The following YAP1 variants were observed in gnomAD, a reference collection of about 807,000 sequenced individuals.
YAP1 encodes Yes1 associated transcriptional regulator.
A neutral mutation model predicts 56.9 loss-of-function variants in YAP1; 5 were observed. The ratio of observed to expected loss-of-function variants is 0.09; its 90% CI spans 0.05 to 0.18. The LOEUF (loss-of-function observed/expected upper bound fraction) is 0.18, where lower values mean the gene tolerates loss of function less well. Ranked by LOEUF, YAP1 falls within the 10% of genes least tolerant of loss-of-function variation. The probability of loss-of-function intolerance (pLI) is 1.00; values close to 1 mark genes in which losing one functional copy is unlikely to be tolerated. For synonymous variants in YAP1, 265 were observed against 248.1 expected (o/e 1.07, Z -0.64); for missense variants, 539 against 651.8 (o/e 0.83, Z 1.88).
At chr11:102,220,170 C>T (rs11225167) in intron 6 of YAP1, among the ~76,000 whole-genome samples, 45,394 of 151,494 alleles carry the variant, frequency 0.3, 7,072 homozygotes, top group East Asian at 0.36. Flanking sequence ...CCAGCCTGGG[C>T]GACATATAGT....
At chr11:102,194,758 C>G (rs1284309199) in intron 4 of YAP1, among the ~76,000 whole-genome samples, 1 of 151,992 alleles carries the variant, frequency 6.6e-6, no homozygotes, top group Non-Finnish European at 1.5e-5. Flanking sequence ...AGTAAAAACT[C>G]TGAGGTATGC....
At chr11:102,157,961 G>A (rs1946050068) in intron 2 of YAP1, among the ~76,000 whole-genome samples, 1 of 152,076 alleles carries the variant, frequency 6.6e-6, no homozygotes, top group South Asian at 2.1e-4. Flanking sequence ...TATTTGGAGT[G>A]TCCATAAAAA....
chr11:102,114,090 G>C (rs1943130406), intron 1 of YAP1, 54 bp from the exon 2 acceptor site: 1 of 1,523,166 alleles, frequency 6.6e-7, no homozygotes, highest in East Asian at 2.3e-5. Flanking sequence ...AAATTTAAAG[G>C]GACTCAGTTG....
chr11:102,112,167 A>G lies in YAP1; in HGVS notation c.321+998A>G, dbSNP rs541194108. 1.6e-4 allele frequency among the ~76,000 whole-genome samples: 25 copies of G among 152,330 alleles called. 2 individuals are homozygous for G. In the South Asian group the frequency reaches 4.6e-3, roughly 28 times the overall value. On this transcript the variant is annotated intron_variant, in intron 1 of 8. Coordinates refer to ENST00000282441, the MANE Select transcript of YAP1 (RefSeq NM_001130145.3). ...TACACTGCAGGTTGACTCATAGGCC[A>G]AGTCCTGCCTAGTTCAACTGTGATT...
intron 3 of YAP1, among the ~76,000 whole-genome samples, chr11:102,176,499 G>A (rs1947255057): frequency 6.6e-6 from 1 of 151,974 alleles, no homozygotes; most frequent in Non-Finnish European, 1.5e-5. Context: ...TGTAATCCCA[G>A]CACTTTGGGA....
chr11:102,182,201 T>C (rs1244461614), intron 3 of YAP1, among the ~76,000 whole-genome samples: 4 of 152,168 alleles, frequency 2.6e-5, no homozygotes, highest in African/African-American at 7.2e-5. Flanking sequence ...AATCAAAAAG[T>C]ATAGGGGTAA....
chr11:102,223,118 C>T (rs758282663), intron 6 of YAP1, among the ~76,000 whole-genome samples: 5 of 151,466 alleles, frequency 3.3e-5, no homozygotes, highest in South Asian at 2.1e-4. Context: ...CGTGGTGGTG[C>T]GTGCCTGTAG....
At chr11:102,175,287 C>G (rs536290901) in intron 3 of YAP1, among the ~76,000 whole-genome samples, 1 of 152,234 alleles carries the variant, frequency 6.6e-6, no homozygotes, top group African/African-American at 2.4e-5. Context: ...GTAATCCCAG[C>G]TACTCGGGAG....
chr11:102,125,930 T>C (rs1001855630), intron 2 of YAP1, among the ~76,000 whole-genome samples: 3 of 152,058 alleles, frequency 2.0e-5, no homozygotes, highest in Admixed American at 1.3e-4. Flanking sequence ...TTTCCTCTTT[T>C]AGCAGCCACT....
At chr11:102,155,641 G>T (rs1041505692) in intron 2 of YAP1, among the ~76,000 whole-genome samples, 1 of 152,200 alleles carries the variant, frequency 6.6e-6, no homozygotes, top group Non-Finnish European at 1.5e-5. Flanking sequence ...TTGCTAAGAA[G>T]CGTTTAGTGT....
intron 6 of YAP1, among the ~76,000 whole-genome samples, chr11:102,223,240 C>G (rs1950033989): frequency 6.8e-6 from 1 of 147,318 alleles, no homozygotes; most frequent in Non-Finnish European, 1.5e-5. Context: ...GAGTGAGACT[C>G]CGTCTTGAAG....
chr11:102,188,770 A>G (rs1033934994), intron 4 of YAP1, among the ~76,000 whole-genome samples: 19 of 152,346 alleles, frequency 1.2e-4, no homozygotes, highest in East Asian at 3.9e-4. Flanking sequence ...AGAATTGCCA[A>G]TGATCCATTT....
chr11:102,122,452 G>A (rs947369615), intron 2 of YAP1, among the ~76,000 whole-genome samples: 1 of 151,886 alleles, frequency 6.6e-6, no homozygotes, highest in Non-Finnish European at 1.5e-5. Flanking sequence ...AAAGAAAACG[G>A]AAGGAAGCAC....
chr11:102,219,615 TAA>T (rs1173190427), intron 6 of YAP1, among the ~76,000 whole-genome samples: 2 of 151,674 alleles, frequency 1.3e-5, no homozygotes, highest in Non-Finnish European at 2.9e-5. Flanking sequence ...AGAAAAGAAA[TAA>T]GAGGGATCCC....
At chr11:102,184,899 G>C (rs1026357434) in intron 3 of YAP1, among the ~76,000 whole-genome samples, 1 of 152,200 alleles carries the variant, frequency 6.6e-6, no homozygotes, top group Non-Finnish European at 1.5e-5. Context: ...TTGGGATCTT[G>C]TACCAGACTG....
At chr11:102,116,974 A>G (rs1407106687) in intron 2 of YAP1, among the ~76,000 whole-genome samples, 1 of 152,190 alleles carries the variant, frequency 6.6e-6, no homozygotes, top group East Asian at 1.9e-4. Flanking sequence ...TTTAAAGAGT[A>G]TCTGCTTTAT....
chr11:102,182,391 C>G (rs17097471), intron 3 of YAP1, among the ~76,000 whole-genome samples: 23 of 152,272 alleles, frequency 1.5e-4, no homozygotes, highest in Admixed American at 1.2e-3. Flanking sequence ...TTGGACTTAA[C>G]CTTCCTGCAT....
At chr11:102,150,262 G>T (rs1025806145) in intron 2 of YAP1, among the ~76,000 whole-genome samples, 1 of 152,076 alleles carries the variant, frequency 6.6e-6, no homozygotes, top group African/African-American at 2.4e-5. Flanking sequence ...GGGATTACAG[G>T]TGTGAGCCAC....
chr11:102,211,008 G>C (rs1263271549), intron 6 of YAP1, among the ~76,000 whole-genome samples: 1 of 152,156 alleles, frequency 6.6e-6, no homozygotes, highest in East Asian at 1.9e-4. Context: ...GCCCACCTCA[G>C]CCTCCCAAAT....
Sources: allele counts gnomAD v4.1 joint callset (sites outside exome capture counted in the v4.1 genomes callset), GRCh38; gene constraint gnomAD v4.1.1; transcripts MANE v1.5; gene names NCBI Gene and HGNC (gene_info 2026-07-23, HGNC 2026-07-21).